Variants in SMARCAD1 observed in about 807,000 individuals in gnomAD.
SMARCAD1 encodes the protein SNF2 related chromatin remodeling ATPase with DExD box 1.
A neutral mutation model predicts 127.1 loss-of-function variants in SMARCAD1; 25 were observed. The ratio of observed to expected loss-of-function variants is 0.20; its 90% CI spans 0.14 to 0.27. The LOEUF (loss-of-function observed/expected upper bound fraction) is 0.27. SMARCAD1 is among the 10% of genes least tolerant of loss of function. SMARCAD1 has a pLI of 1.00. For missense variants in SMARCAD1, 807 were observed against 1,206.0 expected, an observed-to-expected ratio of 0.67 and a Z score of 4.90; for synonymous variants, 400 against 396.9, an observed-to-expected ratio of 1.01 and a Z score of -0.09.
chr4:94,237,588 A>G (rs1379640733), intron 5 of SMARCAD1, among the ~76,000 whole-genome samples: 1 of 152,030 alleles, frequency 6.6e-6, no homozygotes, highest in African/African-American at 2.4e-5. Context: ...AACCACCCTT[A>G]AATTATAACC....
chr4:94,234,225 T>A, intron 4 of SMARCAD1, 103 bp downstream of exon 4: 2 of 1,020,480 alleles, frequency 2.0e-6, no homozygotes, highest in Non-Finnish European at 2.9e-6. Flanking sequence ...ATATCTTACG[T>A]TTGAAGATAT....
At chr4:94,276,966 A>G (rs759631421) in intron 15 of SMARCAD1, 56 bp from the exon 16 acceptor site, 3 of 1,597,824 alleles carry the variant, frequency 1.9e-6, no homozygotes, top group South Asian at 1.1e-5. Flanking sequence ...GAGGATAGAC[A>G]TGAAAGGAGT....
At chr4:94,271,285 A>G (rs1482065132) in intron 11 of SMARCAD1, among the ~76,000 whole-genome samples, 1 of 152,190 alleles carries the variant, frequency 6.6e-6, no homozygotes, top group Admixed American at 6.5e-5. Context: ...CAGCAACATC[A>G]TTTCAGCTAT....
chr4:94,261,838 A>G (rs1288450156), intron 9 of SMARCAD1, among the ~76,000 whole-genome samples: 1 of 152,104 alleles, frequency 6.6e-6, no homozygotes, highest in Non-Finnish European at 1.5e-5. Context: ...TTGAAATCCT[A>G]GGCTCAAACA....
rs1409699479 is a variant in SMARCAD1 at position 94,250,851 on chromosome 4, T to C, written c.889+18T>C. 1 of 1,568,426 alleles carries C rather than the reference T, an allele frequency of 6.4e-7. No individual in the cohort carries two copies. The highest frequency in any genetic ancestry group is 1.1e-5 in the South Asian group (1 of 89,970). ...AGACCAAGGTAATTATTCTGGGTCA[T>C]AGAAAATACATACTTCTCATTATAG... On this transcript the variant is annotated intron_variant, in intron 8 of 23. Transcript: ENST00000354268.
At chr4:94,283,407 C>T (rs1046936965) in intron 22 of SMARCAD1, 104 bp downstream of exon 22, 16 of 1,075,992 alleles carry the variant, frequency 1.5e-5, no homozygotes, top group African/African-American at 4.7e-5. Context: ...TTTGTTTTTT[C>T]GGCAAAGCAT....
chr4:94,221,288 T>G (rs887831838), intron 2 of SMARCAD1, among the ~76,000 whole-genome samples: 10 of 152,228 alleles, frequency 6.6e-5, no homozygotes, highest in African/African-American at 2.4e-4. Context: ...AGTGAACTAG[T>G]ATTTTCCAAA....
intron 4 of SMARCAD1, among the ~76,000 whole-genome samples, chr4:94,236,221 AAGT>A (rs527807022): frequency 1.6e-3 from 241 of 152,302 alleles, no homozygotes; most frequent in African/African-American, 5.5e-3. Flanking sequence ...TTAATACAAA[AAGT>A]AGCTTATTTA....
At chr4:94,260,489 G>A (rs902578576) in intron 9 of SMARCAD1, among the ~76,000 whole-genome samples, 5 of 151,852 alleles carry the variant, frequency 3.3e-5, no homozygotes, top group African/African-American at 9.7e-5. Context: ...GATTACAGGC[G>A]TGCACCACCA....
chr4:94,220,255 A>C (rs1417875754), intron 2 of SMARCAD1, among the ~76,000 whole-genome samples: 1 of 152,006 alleles, frequency 6.6e-6, no homozygotes, highest in Non-Finnish European at 1.5e-5. Context: ...ATTTATTATT[A>C]TTATTTTTTT....
Position 94,291,184 on chromosome 4 carries a change from A to G in SMARCAD1, c.*1650A>G, listed in dbSNP as rs367695955. The G allele has an allele frequency of 2.4e-3, 1,056 of 446,034 alleles. 7 individuals carry two copies. Among genetic ancestry groups the G allele is most frequent in the Middle Eastern group, 3.5e-3 (5 of 1,440 alleles). 27.6% of individuals were successfully genotyped at this position (446,034 alleles called of 1,614,324 possible). On this transcript the variant is annotated 3_prime_UTR_variant, in exon 24 of 24. Transcript: ENST00000354268. ...ATAGGCTGTTTCTTTTTTTGTTGTT[A>G]TTGTTGTTGTTGTTATATCCATACT...
chr4:94,252,173 C>T (rs1431605391), intron 8 of SMARCAD1, among the ~76,000 whole-genome samples: 4 of 152,234 alleles, frequency 2.6e-5, no homozygotes, highest in South Asian at 2.1e-4. Flanking sequence ...TTTTAAGTAA[C>T]GATGCAACTT....
At chr4:94,270,125 A>G (rs1752335466) in intron 10 of SMARCAD1, among the ~76,000 whole-genome samples, 1 of 151,658 alleles carries the variant, frequency 6.6e-6, no homozygotes, top group Admixed American at 6.6e-5. Context: ...AACATCAGTG[A>G]ACATCAGTGA....
chr4:94,261,515 G>A (rs192366734), intron 9 of SMARCAD1, among the ~76,000 whole-genome samples: 263 of 152,238 alleles, frequency 1.7e-3, no homozygotes, highest in African/African-American at 5.8e-3. Context: ...GAATAGTTAC[G>A]TATTTAATTA....
intron 23 of SMARCAD1, among the ~76,000 whole-genome samples, chr4:94,286,936 C>T (rs148251465): frequency 4.1e-4 from 62 of 152,238 alleles, no homozygotes; most frequent in African/African-American, 1.3e-3. Flanking sequence ...GCAATCTCCG[C>T]GCACTGCAAG....
At chr4:94,229,488 G>A (rs949108087) in intron 3 of SMARCAD1, among the ~76,000 whole-genome samples, 3 of 152,082 alleles carry the variant, frequency 2.0e-5, no homozygotes, top group East Asian at 1.9e-4. Context: ...GCAGCTGAGG[G>A]CCTCTTCAAA....
chr4:94,219,222 A>G (rs1743695535), intron 2 of SMARCAD1, among the ~76,000 whole-genome samples: 1 of 152,186 alleles, frequency 6.6e-6, no homozygotes, highest in African/African-American at 2.4e-5. Flanking sequence ...GTGTAGAGCA[A>G]TACATGATTT....
intron 4 of SMARCAD1, among the ~76,000 whole-genome samples, chr4:94,235,318 G>A (rs1746480180): frequency 7.5e-6 from 1 of 133,908 alleles, no homozygotes; most frequent in African/African-American, 2.9e-5. Flanking sequence ...GTGACTGGCT[G>A]CTTTCACCTA....
intron 2 of SMARCAD1, among the ~76,000 whole-genome samples, chr4:94,217,524 C>G (rs1009213050): frequency 6.6e-6 from 1 of 152,068 alleles, no homozygotes; most frequent in Admixed American, 6.6e-5. Flanking sequence ...TAAAAAATTT[C>G]CAACTGGCAG....
Sources: allele counts gnomAD v4.1 joint callset (sites outside exome capture counted in the v4.1 genomes callset), GRCh38; gene constraint gnomAD v4.1.1; transcripts MANE v1.5; gene names NCBI Gene and HGNC (gene_info 2026-07-23, HGNC 2026-07-21).